FSTL5: variants seen among roughly 807,000 people sequenced by gnomAD.
The protein encoded by FSTL5 is follistatin-related protein 5.
FSTL5 carries 62 observed loss-of-function variants against 89.1 expected under a neutral mutation model. The observed-to-expected ratio is 0.70, with a 90% CI of 0.57 to 0.86. FSTL5 has a LOEUF of 0.86. Among genes scored for constraint, FSTL5 ranks in the 40% least tolerant of loss-of-function variants. The pLI, the probability that FSTL5 is intolerant of heterozygous loss-of-function variation, is 0.00. For synonymous variants in FSTL5, 383 were observed against 346.2 expected, an observed-to-expected ratio of 1.11 and a Z score of -1.18; for missense variants, 1,057 against 1,001.6, an observed-to-expected ratio of 1.06 and a Z score of -0.75.
At chr4:161,571,237 G>C (rs922568626) in intron 8 of FSTL5, among the ~76,000 whole-genome samples, 1 of 152,140 alleles carries the variant, frequency 6.6e-6, no homozygotes, top group African/African-American at 2.4e-5. Context: ...AAAGCCCCTA[G>C]GTGGGATCTG....
At chr4:161,950,054 C>T (rs1257867114) in intron 3 of FSTL5, among the ~76,000 whole-genome samples, 2 of 152,038 alleles carry the variant, frequency 1.3e-5, no homozygotes, top group Non-Finnish European at 2.9e-5. Flanking sequence ...TGATGGCACA[C>T]TCATTCTTCT....
chr4:161,513,275 GAGAGAGA>G lies in FSTL5; in HGVS notation c.1313-2858_1313-2852del, dbSNP rs1560932044. On this transcript the variant is annotated intron_variant, in intron 10 of 15. Transcript: ENST00000306100. ...GAACTGAACCAAACAAGGAGGGGGA[GAGAGAGA>G]GAGAGAGAGAGAGAGAGAGAGAGAG... Among the ~76,000 whole-genome samples the G allele has an allele frequency of 5.5e-3, 31 of 5,596 alleles. 1 individual carries two copies. The highest frequency in any genetic ancestry group is 0.012 in the African/African-American group (31 of 2,484). The allele number at this position is 5,596 out of a possible 152,430, so 3.7% of individuals were successfully genotyped here. A position where few individuals can be genotyped will look rare whatever the true frequency, so the allele number is the denominator to read the frequency against.
At chr4:161,916,678 GTTTAT>G (rs568063496) in intron 4 of FSTL5, among the ~76,000 whole-genome samples, 53 of 152,042 alleles carry the variant, frequency 3.5e-4, no homozygotes, top group African/African-American at 1.2e-3. Context: ...TAGGTATATT[GTTTAT>G]TTTATCTATA....
intron 6 of FSTL5, among the ~76,000 whole-genome samples, chr4:161,660,835 T>C (rs1234628900): frequency 2.0e-5 from 3 of 152,156 alleles, no homozygotes; most frequent in African/African-American, 4.8e-5. Context: ...TAGTATTCCA[T>C]AGTGTATACG....
chr4:162,069,499 A>T (rs1411665450), intron 2 of FSTL5, among the ~76,000 whole-genome samples: 1 of 151,868 alleles, frequency 6.6e-6, no homozygotes, highest in African/African-American at 2.4e-5. Flanking sequence ...CCTCCTATTT[A>T]GCTGTAATTT....
chr4:162,107,529 G>C (rs1324786762), intron 2 of FSTL5, among the ~76,000 whole-genome samples: 1 of 152,076 alleles, frequency 6.6e-6, no homozygotes, highest in Non-Finnish European at 1.5e-5. Context: ...CTCACACACA[G>C]ATTTTGGGTC....
At chr4:162,157,787 G>T (rs1228674337) in intron 1 of FSTL5, among the ~76,000 whole-genome samples, 4 of 152,062 alleles carry the variant, frequency 2.6e-5, no homozygotes, top group African/African-American at 9.7e-5. Flanking sequence ...TCAGTAGGGA[G>T]TCTGATGCAA....
At chr4:161,498,894 C>T (rs1374037184) in intron 12 of FSTL5, among the ~76,000 whole-genome samples, 1 of 151,876 alleles carries the variant, frequency 6.6e-6, no homozygotes, top group African/African-American at 2.4e-5. Flanking sequence ...ATAATGATAA[C>T]GTTTAAGATT....
chr4:161,748,277 T>G (rs557643497), intron 6 of FSTL5, among the ~76,000 whole-genome samples: 24 of 152,278 alleles, frequency 1.6e-4, no homozygotes, highest in Admixed American at 2.6e-4. Context: ...ACAAAAAGTA[T>G]CATGCACTGA....
chr4:161,788,524 T>C (rs1741994301), intron 4 of FSTL5, among the ~76,000 whole-genome samples: 3 of 152,164 alleles, frequency 2.0e-5, no homozygotes, highest in African/African-American at 7.2e-5. Flanking sequence ...TTGTCTTCTG[T>C]GACAAAGCCT....
At chr4:161,578,215 TA>T (rs60588668) in intron 8 of FSTL5, among the ~76,000 whole-genome samples, 59,628 of 151,780 alleles carry the variant, frequency 0.39, 11,773 homozygotes, top group Admixed American at 0.44. Context: ...TAAATAGGTT[TA>T]AAGATTTAAA....
chr4:161,677,682 G>A (rs1428134321), intron 6 of FSTL5, among the ~76,000 whole-genome samples: 1 of 151,934 alleles, frequency 6.6e-6, no homozygotes, highest in African/African-American at 2.4e-5. Context: ...ATTACAGTTT[G>A]CACTTTAGTT....
chr4:161,771,375 A>C (rs895418620), intron 5 of FSTL5, among the ~76,000 whole-genome samples: 5 of 152,066 alleles, frequency 3.3e-5, no homozygotes, highest in Non-Finnish European at 5.9e-5. Flanking sequence ...TGTCACATGA[A>C]ATTTACATAC....
chr4:161,673,105 A>C (rs573360184), intron 6 of FSTL5, among the ~76,000 whole-genome samples: 2 of 152,206 alleles, frequency 1.3e-5, no homozygotes, highest in South Asian at 4.1e-4. Flanking sequence ...CAGTTAACTC[A>C]GTGGGAAAAA....
chr4:162,015,463 T>C (rs1323166211), intron 3 of FSTL5, among the ~76,000 whole-genome samples: 3 of 152,210 alleles, frequency 2.0e-5, no homozygotes, highest in South Asian at 4.1e-4. Context: ...CTGATATTCA[T>C]GTGTATGCCC....
intron 4 of FSTL5, among the ~76,000 whole-genome samples, chr4:161,846,048 C>CAAAAAAAA (rs34298769): frequency 6.9e-6 from 1 of 144,086 alleles, no homozygotes; most frequent in Non-Finnish European, 1.5e-5. Context: ...GACTCCGTCT[C>CAAAAAAAA]AAAAAAAAAA....
At chr4:161,517,731 AT>A (rs902144839) in intron 10 of FSTL5, among the ~76,000 whole-genome samples, 66 of 151,468 alleles carry the variant, frequency 4.4e-4, no homozygotes, top group African/African-American at 1.2e-3. Context: ...ATATTAAATA[AT>A]TTTTTTTTGC....
intron 5 of FSTL5, among the ~76,000 whole-genome samples, chr4:161,767,031 C>G (rs956232174): frequency 6.6e-5 from 10 of 152,126 alleles, no homozygotes; most frequent in African/African-American, 1.9e-4. Flanking sequence ...GCTCCTGTTT[C>G]TCAGTATTTC....
intron 15 of FSTL5, among the ~76,000 whole-genome samples, chr4:161,454,354 C>G (rs533642061): frequency 6.6e-6 from 1 of 152,168 alleles, no homozygotes; most frequent in Non-Finnish European, 1.5e-5. Flanking sequence ...ACCTTCTCCT[C>G]ATTTTAGCAT....
Sources: gnomAD v4.1 joint callset for allele counts (sites outside exome capture counted in the v4.1 genomes callset) on GRCh38, gnomAD v4.1.1 for gene constraint, MANE v1.5 for transcripts, NCBI Gene and HGNC (gene_info 2026-07-23, HGNC 2026-07-21) for gene names.